The following ASTN2 variants were observed in gnomAD, a reference collection of about 807,000 sequenced individuals.
ASTN2 encodes the protein astrotactin-2.
A neutral mutation model predicts 139.8 loss-of-function variants in ASTN2; 54 were observed. The observed-to-expected ratio is 0.39, with a 90% CI of 0.31 to 0.48. ASTN2 has a LOEUF of 0.48. Ranked by LOEUF, ASTN2 falls within the 20% of genes least tolerant of loss-of-function variation. ASTN2 has a pLI of 0.95. For missense variants in ASTN2, 1,565 were observed against 1,725.1 expected (o/e 0.91, Z 1.64); for synonymous variants, 756 against 719.5 (o/e 1.05, Z -0.81).
At position 116,901,250 on chromosome 9, in the gene ASTN2, T is replaced by G. The variant is rs577632508; in HGVS notation, c.1890-37517A>C. 5.3e-5 allele frequency among the ~76,000 whole-genome samples: 8 copies of G among 152,254 alleles called. No homozygotes were observed. The South Asian group carries it at 1.7e-3, about 32-fold the overall frequency. ...TTTAAAATTATTTTGGAAGGCTGGG[T>G]GCAGTGGCTTACACCCATAAGGAGG... On this transcript the variant is annotated intron_variant, in intron 10 of 22. Coordinates refer to ENST00000313400, the MANE Select transcript of ASTN2 (RefSeq NM_001365068.1).
intron 10 of ASTN2, among the ~76,000 whole-genome samples, chr9:116,900,270 CTAA>C (rs1202579437): frequency 6.6e-6 from 1 of 152,202 alleles, no homozygotes; most frequent in Non-Finnish European, 1.5e-5. Flanking sequence ...GGATCCTCAT[CTAA>C]TCCTCATAGC....
At chr9:116,933,979 CT>C (rs148724828) in intron 10 of ASTN2, among the ~76,000 whole-genome samples, 1,372 of 86,706 alleles carry the variant, frequency 0.016, 48 homozygotes, top group African/African-American at 0.062. Context: ...AGTGTTAGTC[CT>C]TTTTTTTTTT....
chr9:117,184,506 C>A lies in ASTN2; in HGVS notation c.1015+29852G>T, dbSNP rs1831150115. On this transcript the variant is annotated intron_variant, in intron 3 of 22. Transcript: ENST00000313400. ...GACACTCTCAGGGACAGTCCTGGAGCCAGGAAGCTGTTGACATGGACTGGA... is the reference window on the plus strand; with the variant it reads ...GACACTCTCAGGGACAGTCCTGGAGACAGGAAGCTGTTGACATGGACTGGA... 2.0e-5 allele frequency among the ~76,000 whole-genome samples: 3 copies of A among 152,276 alleles called. No individual in the cohort carries two copies. The South Asian group carries it at 6.2e-4, about 32-fold the overall frequency.
intron 7 of ASTN2, among the ~76,000 whole-genome samples, chr9:116,993,765 T>C (rs1389177595): frequency 1.4e-5 from 2 of 147,502 alleles, no homozygotes; most frequent in Admixed American, 6.8e-5. Flanking sequence ...TATATATGTA[T>C]ATACAGTATA....
chr9:116,591,705 C>G (rs1473226509), intron 19 of ASTN2, among the ~76,000 whole-genome samples: 1 of 152,022 alleles, frequency 6.6e-6, no homozygotes, highest in African/African-American at 2.4e-5. Context: ...CTCTTTATGG[C>G]ATTAGAAGTA....
Position 116,442,441 on chromosome 9 carries a change from T to G in ASTN2, c.3598+12A>C. 1.2e-6 allele frequency: 2 copies of G among 1,612,198 alleles called. No individual in the cohort carries two copies. Among genetic ancestry groups the G allele is most frequent in the Non-Finnish European group, 1.7e-6 (2 of 1,178,246 alleles). On this transcript the variant is annotated intron_variant, in intron 21 of 22. Coordinates refer to ENST00000313400, the MANE Select transcript of ASTN2 (RefSeq NM_001365068.1). Reference sequence around the variant, plus strand: ...GGGAGTTACTTTGGAGTTGAAAAACTGGGTTACCTACCTTCTGCCTTGTTG... The same window carrying G: ...GGGAGTTACTTTGGAGTTGAAAAACGGGGTTACCTACCTTCTGCCTTGTTG...
At chr9:117,211,263 A>G (rs1832116711) in intron 3 of ASTN2, among the ~76,000 whole-genome samples, 2 of 152,290 alleles carry the variant, frequency 1.3e-5, no homozygotes, top group Admixed American at 6.5e-5. Context: ...AGAAAAACCT[A>G]AAGAGTCTAC....
intron 16 of ASTN2, among the ~76,000 whole-genome samples, chr9:116,683,700 A>T (rs1465716924): frequency 6.6e-6 from 1 of 152,202 alleles, no homozygotes; most frequent in East Asian, 1.9e-4. Flanking sequence ...CAAATGAGTA[A>T]AAAATACTTC....
chr9:117,041,162 G>A (rs1408337643), intron 5 of ASTN2, among the ~76,000 whole-genome samples: 1 of 152,118 alleles, frequency 6.6e-6, no homozygotes, highest in Non-Finnish European at 1.5e-5. Flanking sequence ...GAAATTCTAT[G>A]GAGGCTGTCT....
chr9:116,988,130 T>C (rs899169159), intron 7 of ASTN2, among the ~76,000 whole-genome samples: 14 of 152,200 alleles, frequency 9.2e-5, no homozygotes, highest in Admixed American at 8.5e-4. Flanking sequence ...ACTATAGCCA[T>C]TCTCAAATGC....
Position 116,651,043 on chromosome 9 carries a change from C to G in ASTN2, c.3072+485G>C, listed in dbSNP as rs183219223. Among the ~76,000 whole-genome samples the G allele has an allele frequency of 2.4e-4, 36 of 151,878 alleles. No individual in the cohort carries two copies. In the East Asian group the frequency reaches 6.8e-3, roughly 29 times the overall value. ...CAATTCTCCTGCCTCAGCCTCCCAA[C>G]GTAGCTGCGATTACAGATGCCTGCC... On this transcript the variant is annotated intron_variant, in intron 17 of 22. Transcript: ENST00000313400.
intron 4 of ASTN2, among the ~76,000 whole-genome samples, chr9:117,116,037 C>CATATATATATATATAT (rs113795526): frequency 4.3e-5 from 6 of 140,414 alleles, no homozygotes; most frequent in East Asian, 2.2e-4. Context: ...AAAAAAAATG[C>CATATATATATATATAT]ATATATATAT....
intron 19 of ASTN2, among the ~76,000 whole-genome samples, chr9:116,564,679 G>A (rs1853093851): frequency 6.6e-6 from 1 of 152,100 alleles, no homozygotes; most frequent in Admixed American, 6.5e-5. Context: ...GCTTGTGAAA[G>A]GATTCGAGAG....
intron 2 of ASTN2, among the ~76,000 whole-genome samples, chr9:117,259,362 G>T (rs919225571): frequency 1.3e-5 from 2 of 152,106 alleles, no homozygotes; most frequent in Non-Finnish European, 2.9e-5. Context: ...CTCGGCCAAG[G>T]GCATTTCAAA....
At chr9:117,005,967 G>C (rs1282267844) in intron 7 of ASTN2, among the ~76,000 whole-genome samples, 1 of 152,118 alleles carries the variant, frequency 6.6e-6, no homozygotes, top group Non-Finnish European at 1.5e-5. Context: ...CAGGCTCCCA[G>C]CACCAGACTG....
intron 7 of ASTN2, among the ~76,000 whole-genome samples, chr9:116,980,567 G>A (rs766133697): frequency 3.9e-5 from 6 of 152,048 alleles, no homozygotes; most frequent in Admixed American, 2.0e-4. Flanking sequence ...ATGGAAGGTT[G>A]GAGTAGATCA....
intron 10 of ASTN2, among the ~76,000 whole-genome samples, chr9:116,914,057 C>T (rs1163609128): frequency 6.7e-6 from 1 of 148,556 alleles, no homozygotes; most frequent in South Asian, 2.2e-4. Context: ...GGTGTGGAGC[C>T]TGGAAATAGG....
At chr9:116,678,967 T>C (rs1167362121) in intron 16 of ASTN2, among the ~76,000 whole-genome samples, 1 of 152,212 alleles carries the variant, frequency 6.6e-6, no homozygotes, top group Non-Finnish European at 1.5e-5. Flanking sequence ...ATGATTTTCA[T>C]GTAATGTTAA....
chr9:116,479,909 G>C (rs988403505), intron 20 of ASTN2, among the ~76,000 whole-genome samples: 3 of 152,118 alleles, frequency 2.0e-5, no homozygotes, highest in Non-Finnish European at 4.4e-5. Context: ...GAGATAAACT[G>C]GTTGGAAATC....
Sources: gnomAD v4.1 joint callset for allele counts (sites outside exome capture counted in the v4.1 genomes callset) on GRCh38, gnomAD v4.1.1 for gene constraint, MANE v1.5 for transcripts, NCBI Gene and HGNC (gene_info 2026-07-23, HGNC 2026-07-21) for gene names.